The following PRKG1 variants were observed in gnomAD, a reference collection of about 807,000 sequenced individuals.
PRKG1 encodes the protein cGMP-dependent protein kinase 1.
In PRKG1, 35 loss-of-function variants were observed where a neutral mutation model predicts 88.1. The ratio of observed to expected loss-of-function variants is 0.40; its 90% confidence interval spans 0.30 to 0.53. The LOEUF is 0.53. PRKG1 is among the 20% of genes least tolerant of loss of function. The probability of loss-of-function intolerance (pLI) is 0.59; values close to 1 mark genes in which losing one functional copy is unlikely to be tolerated. For synonymous variants in PRKG1, 303 were observed against 292.5 expected (o/e 1.04, Z -0.37); for missense variants, 540 against 839.8 (o/e 0.64, Z 4.41).
chr10:52,177,041 T>A (rs1838885312), intron 9 of PRKG1, among the ~76,000 whole-genome samples: 5 of 152,088 alleles, frequency 3.3e-5, no homozygotes, highest in Admixed American at 2.6e-4. Context: ...TGGCTAGGAC[T>A]TCCAGTACTA....
At chr10:51,904,050 G>A (rs1035298063) in intron 4 of PRKG1, among the ~76,000 whole-genome samples, 1 of 152,112 alleles carries the variant, frequency 6.6e-6, no homozygotes, top group Non-Finnish European at 1.5e-5. Flanking sequence ...CAAATTGTAA[G>A]TCGTTGCTAC....
chr10:51,292,867 C>T (rs539561536), intron 2 of PRKG1, among the ~76,000 whole-genome samples: 1 of 151,808 alleles, frequency 6.6e-6, no homozygotes, highest in Admixed American at 6.6e-5. Flanking sequence ...TGGTTTACAC[C>T]CAATCCCATT....
chr10:51,713,107 T>TAA (rs1160163983), intron 3 of PRKG1, among the ~76,000 whole-genome samples: 1 of 152,216 alleles, frequency 6.6e-6, no homozygotes, highest in African/African-American at 2.4e-5. Context: ...CATTAACTCC[T>TAA]AAAAGTTCTG....
intron 2 of PRKG1, among the ~76,000 whole-genome samples, chr10:51,194,960 C>G (rs557353289): frequency 2.0e-5 from 3 of 152,280 alleles, no homozygotes; most frequent in African/African-American, 7.2e-5. Context: ...GGCCTAATAA[C>G]CTCTTAAAAG....
intron 3 of PRKG1, among the ~76,000 whole-genome samples, chr10:51,549,173 G>A (rs10998055): frequency 0.25 from 32,740 of 128,996 alleles, 5,444 homozygotes; most frequent in East Asian, 0.86. Context: ...ACCCAGGCTG[G>A]AATGCAGTGG....
intron 5 of PRKG1, among the ~76,000 whole-genome samples, chr10:51,965,119 T>C (rs1166682709): frequency 6.6e-6 from 1 of 152,202 alleles, no homozygotes; most frequent in African/African-American, 2.4e-5. Context: ...GGGGTACGTA[T>C]GCAGGTTTGT....
chr10:52,219,354 G>T (rs1046147769), intron 9 of PRKG1, among the ~76,000 whole-genome samples: 1 of 152,152 alleles, frequency 6.6e-6, no homozygotes, highest in African/African-American at 2.4e-5. Flanking sequence ...CTGCATAAGA[G>T]TCCAGTAATC....
At chr10:51,452,918 T>G (rs1044143216) in intron 2 of PRKG1, among the ~76,000 whole-genome samples, 1 of 152,036 alleles carries the variant, frequency 6.6e-6, no homozygotes, top group African/African-American at 2.4e-5. Context: ...ATCTAACTAT[T>G]TCTACAATTT....
At chr10:51,689,325 C>A (rs1392633096) in intron 3 of PRKG1, among the ~76,000 whole-genome samples, 1 of 152,010 alleles carries the variant, frequency 6.6e-6, no homozygotes, top group Non-Finnish European at 1.5e-5. Flanking sequence ...TTTTTACAAT[C>A]ATATTTCATA....
chr10:52,067,974 A>G (rs1232455046), intron 7 of PRKG1, among the ~76,000 whole-genome samples: 1 of 104,858 alleles, frequency 9.5e-6, no homozygotes, highest in Non-Finnish European at 2.4e-5. Context: ...GGAGGCCGAG[A>G]CGGGCGGATC....
At chr10:52,067,416 G>A (rs1846380482) in intron 7 of PRKG1, among the ~76,000 whole-genome samples, 2 of 152,142 alleles carry the variant, frequency 1.3e-5, no homozygotes, top group Admixed American at 1.3e-4. Flanking sequence ...TTAAATTTGA[G>A]AGTGCATAAA....
At chr10:51,111,599 G>A (rs1158785760) in intron 1 of PRKG1, among the ~76,000 whole-genome samples, 3 of 152,160 alleles carry the variant, frequency 2.0e-5, no homozygotes, top group Non-Finnish European at 4.4e-5. Context: ...TGAATGGTGG[G>A]TGAGAAGAAG....
chr10:51,756,875 AT>A (rs1837881891), intron 3 of PRKG1, among the ~76,000 whole-genome samples: 1 of 151,908 alleles, frequency 6.6e-6, no homozygotes, highest in Non-Finnish European at 1.5e-5. Context: ...AAAAGTAATT[AT>A]GTAGACATTG....
intron 3 of PRKG1, among the ~76,000 whole-genome samples, chr10:51,793,268 A>T (rs1376958935): frequency 6.6e-6 from 1 of 151,954 alleles, no homozygotes; most frequent in Non-Finnish European, 1.5e-5. Context: ...AAATACAATG[A>T]GTGAAATGGA....
In PRKG1 at chr10:51,013,870, G is replaced by A. The variant is rs116705197; in HGVS notation, c.266+22226G>A. On this transcript the variant is annotated intron_variant, in intron 1 of 17. Transcript: ENST00000401604. ...TTGAGTCCTTTGGCAATAATGTAGTGAGGCTATTCAACAACTGAGCACTAT... is the reference window on the plus strand; with the variant it reads ...TTGAGTCCTTTGGCAATAATGTAGTAAGGCTATTCAACAACTGAGCACTAT... Among the ~76,000 whole-genome samples the A allele has an allele frequency of 8.5e-3, 1,294 of 152,248 alleles. 10 individuals are homozygous for A. The highest frequency in any genetic ancestry group is 0.022 in the African/African-American group (919 of 41,550).
intron 3 of PRKG1, among the ~76,000 whole-genome samples, chr10:51,762,621 G>T (rs1382565800): frequency 6.6e-6 from 1 of 151,962 alleles, no homozygotes; most frequent in Non-Finnish European, 1.5e-5. Flanking sequence ...TTTTACCTAG[G>T]AGTGTTTAAA....
rs566475998 is a variant in PRKG1, at chr10:52,188,889, A to G, written c.1076+26926A>G. ...ACATCATTATTGTGTGGAATTAATT[A>G]TGAAAACACTTAAAGAAATTCCAAT... On this transcript the variant is annotated intron_variant, in intron 9 of 17. Transcript: ENST00000373980. Among the ~76,000 whole-genome samples the G allele has an allele frequency of 4.9e-4, 74 of 152,352 alleles. 2 individuals are homozygous for G. In the South Asian group the frequency reaches 8.9e-3, roughly 18 times the overall value.
chr10:51,843,996 T>C (rs1840341666), intron 4 of PRKG1, among the ~76,000 whole-genome samples: 1 of 152,186 alleles, frequency 6.6e-6, no homozygotes, highest in African/African-American at 2.4e-5. Flanking sequence ...GTATACATAG[T>C]ACTATATTCA....
intron 2 of PRKG1, among the ~76,000 whole-genome samples, chr10:51,321,915 A>G (rs1265409204): frequency 2.0e-5 from 3 of 152,182 alleles, no homozygotes; most frequent in Non-Finnish European, 2.9e-5. Context: ...TTAAAAATTA[A>G]AAAAATAAAT....
Sources: allele counts gnomAD v4.1 joint callset (sites outside exome capture counted in the v4.1 genomes callset), GRCh38; gene constraint gnomAD v4.1.1; transcripts MANE v1.5; gene names NCBI Gene and HGNC (gene_info 2026-07-23, HGNC 2026-07-21).